SPATA32: variants seen among roughly 807,000 people sequenced by gnomAD.
SPATA32 encodes spermatogenesis-associated protein 32.
A neutral mutation model predicts 35.4 loss-of-function variants in SPATA32; 28 were observed. The observed-to-expected ratio is 0.79, with a 90% confidence interval of 0.59 to 1.09. The LOEUF (loss-of-function observed/expected upper bound fraction) is 1.09, where lower values mean the gene tolerates loss of function less well. Among genes scored for constraint, SPATA32 ranks in the 50% least tolerant of loss-of-function variants. The pLI, the probability that SPATA32 is intolerant of heterozygous loss-of-function variation, is 0.00. For missense variants in SPATA32, 409 were observed against 475.9 expected, an observed-to-expected ratio of 0.86 and a Z score of 1.31; for synonymous variants, 168 against 196.3, an observed-to-expected ratio of 0.86 and a Z score of 1.20.
At chr17:45,254,643 C>T (rs2043938687) in intron 4 of SPATA32, 130 bp from the exon 5 acceptor site, 1 of 723,508 alleles carries the variant, frequency 1.4e-6, no homozygotes, top group Admixed American at 2.4e-5. Flanking sequence ...GTCTGGGCAG[C>T]TGAGATTACA....
rs2043959534 is a variant in SPATA32, at chr17:45,256,501, C to T, written c.69-86G>A. On this transcript the variant is annotated intron_variant, in intron 2 of 4. Coordinates refer to ENST00000331780, the MANE Select transcript of SPATA32 (RefSeq NM_152343.3). The surrounding 1 kb of genome is among the most constrained non-coding windows in gnomAD (Gnocchi z 4.7). Reference sequence around the variant, plus strand: ...TTTCTGGGGCCCTCAAAGCCCTCTGCCTTGTAACAGAAGCTGGCACGATGC... The same window carrying T: ...TTTCTGGGGCCCTCAAAGCCCTCTGTCTTGTAACAGAAGCTGGCACGATGC... 3 of 1,220,378 alleles carry T rather than the reference C, an allele frequency of 2.5e-6. No homozygotes were observed. Among genetic ancestry groups the T allele is most frequent in the South Asian group, 2.4e-5 (2 of 83,132 alleles). 75.6% of individuals were successfully genotyped at this position (1,220,378 alleles called of 1,614,324 possible).
In SPATA32 at chr17:45,256,454, TGGGGCTTCAGCGGGAAGG is replaced by T. The variant is rs748404738; in HGVS notation, c.69-57_69-40del. 55 of 1,589,818 alleles carry T rather than the reference TGGGGCTTCAGCGGGAAGG, an allele frequency of 3.5e-5. 2 individuals carry two copies. The South Asian group carries it at 6.1e-4, about 18-fold the overall frequency. ...AGACAGAGTGGGTGATGGGGATCTG[TGGGGCTTCAGCGGGAAGG>T]GGGTTTCTGGGGCCCTCAAAGCCCT... On this transcript the variant is annotated intron_variant, in intron 2 of 4. Transcript: ENST00000331780. The surrounding 1 kb of genome is among the most constrained non-coding windows in gnomAD (Gnocchi z 4.7).
At chr17:45,260,229 C>G (rs1029184294) in intron 1 of SPATA32, 8 of 152,182 alleles carry the variant, frequency 5.3e-5, no homozygotes, top group African/African-American at 1.7e-4. Flanking sequence ...AGCCACCATG[C>G]CTGGCCTAAT....
Position 45,254,484 on chromosome 17 carries a change from T to C in SPATA32, c.1097A>G (p.Asn366Ser), listed in dbSNP as rs772377899. The change falls in exon 5 of 5, where the codon AAT (asparagine) becomes AGT (serine). Residue 366 changes from asparagine to serine, a missense_variant. Transcript: ENST00000331780. ...AAAATGGATTTTCACCAATAATGGA[T>C]TCTCTTTCTCTTTTCCTGGCGGCAC... ...DSVPPGKEKE[N>S]PLLVKIHFKL... The C allele has an allele frequency of 3.1e-6, 5 of 1,613,958 alleles. No homozygotes were observed. The highest frequency in any genetic ancestry group is 3.4e-6 in the Non-Finnish European group (4 of 1,179,816).
In SPATA32 at chr17:45,254,510, T is replaced by G. The variant is rs1290124722; in HGVS notation, c.1071A>C (p.Ser357=). 1.9e-6 allele frequency: 3 copies of G among 1,613,948 alleles called. No homozygotes were observed. The African/African-American group carries it at 4.0e-5, about 22-fold the overall frequency. Residue 357 remains serine, a synonymous_variant, in exon 5 of 5, where the codon TCA becomes TCC. Transcript: ENST00000331780. ...TCTCTTTCTCTTTTCCTGGCGGCAC[T>G]GAGCTGCAACACAAAAGAGAGAGTG... ...SPLLQGSKED[S]VPPGKEKENP...
chr17:45,261,983 C>G lies in SPATA32; in HGVS notation c.13+21G>C, dbSNP rs145527383. ...CCCCGCCTGCCCCAACCCTCGCCCC[C>G]GGGCGCTCGGCCGCTCCCACCTGTC... On this transcript the variant is annotated intron_variant, in intron 1 of 4. Transcript: ENST00000331780. 1,105 of 1,312,566 alleles carry G rather than the reference C, an allele frequency of 8.4e-4. 8 individuals are homozygous for G. In the African/African-American group the frequency reaches 0.015, roughly 18 times the overall value. 81.3% of individuals were successfully genotyped at this position (1,312,566 alleles called of 1,614,324 possible). A position where few individuals can be genotyped will look rare whatever the true frequency, so the allele number is the denominator to read the frequency against.
At position 45,256,746 on chromosome 17, in the gene SPATA32, C is replaced by T. The variant is rs752961464; in HGVS notation, c.69-331G>A. Among the ~76,000 whole-genome samples, 4 of 152,258 alleles carry T rather than the reference C, an allele frequency of 2.6e-5. No individual in the cohort carries two copies. The highest frequency in any genetic ancestry group is 2.9e-5 in the Non-Finnish European group (2 of 68,000). Reference sequence around the variant, plus strand: ...GCAGGTGAGCTGGGGCAACTCACTTCGAGGATTAGTGCCCAGAACACTAGT... The same window carrying T: ...GCAGGTGAGCTGGGGCAACTCACTTTGAGGATTAGTGCCCAGAACACTAGT... On this transcript the variant is annotated intron_variant, in intron 2 of 4. Coordinates refer to ENST00000331780, the MANE Select transcript of SPATA32 (RefSeq NM_152343.3). The surrounding 1 kb of genome is among the most constrained non-coding windows in gnomAD (Gnocchi z 4.7).
chr17:45,259,386 T>G (rs1342849672), intron 1 of SPATA32, among the ~76,000 whole-genome samples: 1 of 152,192 alleles, frequency 6.6e-6, no homozygotes, highest in Non-Finnish European at 1.5e-5. Flanking sequence ...TTTTCTGCAT[T>G]TATTGAGATG....
chr17:45,255,732 A>G lies in SPATA32; in HGVS notation c.450T>C (p.Ser150=), dbSNP rs768251849. Residue 150 remains serine, a synonymous_variant, in exon 4 of 5, where the codon AGT becomes AGC. Transcript: ENST00000331780. The surrounding 1 kb of genome is among the most constrained non-coding windows in gnomAD (Gnocchi z 5.4). ...AGAAGAGGTGCTTGGAGGTCTGCGC[A>G]CTGATGGAGTGATGGCAGGCAGACA... is the stretch of plus-strand genomic sequence containing the variant. The part of the protein sequence containing the change: ...NHVSACHHSI[S]AQTSKHLFWA... 4 of 1,613,874 alleles carry G rather than the reference A, an allele frequency of 2.5e-6. No homozygotes were observed. In the African/African-American group the frequency reaches 4.0e-5, roughly 16 times the overall value.
At chr17:45,261,846 G>T in intron 1 of SPATA32, 158 bp downstream of exon 1, 1 of 792,468 alleles carries the variant, frequency 1.3e-6, no homozygotes, top group Non-Finnish European at 1.7e-6. Flanking sequence ...GGTGGGCTTT[G>T]GCGGCGGGTC....
At chr17:45,257,004 G>C in intron 2 of SPATA32, 149 bp downstream of exon 2, 1 of 854,226 alleles carries the variant, frequency 1.2e-6, no homozygotes, top group Non-Finnish European at 1.8e-6. Flanking sequence ...GCCCTCCCCA[G>C]CCTTTTGGCC....
In SPATA32 at chr17:45,256,489, C is replaced by T. The variant is rs1847011763; in HGVS notation, c.69-74G>A. The T allele has an allele frequency of 1.5e-6, 2 of 1,346,810 alleles. No individual in the cohort carries two copies. The highest frequency in any genetic ancestry group is 1.4e-5 in the African/African-American group (1 of 70,576). The allele number at this position is 1,346,810 out of a possible 1,614,324, so 83.4% of individuals were successfully genotyped here. A position where few individuals can be genotyped will look rare whatever the true frequency, so the allele number is the denominator to read the frequency against. On this transcript the variant is annotated intron_variant, in intron 2 of 4. Transcript: ENST00000331780. The surrounding 1 kb of genome is among the most constrained non-coding windows in gnomAD (Gnocchi z 4.7). ...GCGGGAAGGGGGTTTCTGGGGCCCT[C>T]AAAGCCCTCTGCCTTGTAACAGAAG...
At chr17:45,257,696 C>T (rs777160488) in intron 1 of SPATA32, among the ~76,000 whole-genome samples, 3 of 152,158 alleles carry the variant, frequency 2.0e-5, no homozygotes, top group Non-Finnish European at 2.9e-5. Flanking sequence ...CAATAACGCC[C>T]CATGTGAACC....
intron 2 of SPATA32, 83 bp downstream of exon 2, chr17:45,257,070 C>T: frequency 6.8e-7 from 1 of 1,464,424 alleles, no homozygotes; most frequent in Non-Finnish European, 9.4e-7. Context: ...AGATCCTAGG[C>T]TGGGGGATCC....
rs2043963735 is a variant in SPATA32 at position 45,256,967 on chromosome 17, A to AGC, written c.68+185_68+186insGC. ...CTCATGCCAGGGGCTGAGGGCATAA[A>AGC]CAGAAGTGGGAGGATAGGCGCCCCA... On this transcript the variant is annotated intron_variant, in intron 2 of 4. Coordinates refer to ENST00000331780, the MANE Select transcript of SPATA32 (RefSeq NM_152343.3). This position sits in a 1 kb window ranked among gnomAD's most constrained non-coding sequence, Gnocchi z 4.7. Among the ~76,000 whole-genome samples, 1 of 152,110 alleles carries AGC rather than the reference A, an allele frequency of 6.6e-6. No homozygotes were observed. Among genetic ancestry groups the AGC allele is most frequent in the African/African-American group, 2.4e-5 (1 of 41,418 alleles).
chr17:45,257,585 A>T (rs61299739), intron 1 of SPATA32, among the ~76,000 whole-genome samples: 6,245 of 152,220 alleles, frequency 0.041, 436 homozygotes, highest in African/African-American at 0.14. Flanking sequence ...CCCCAGCTGA[A>T]CATAGCTGAA....
At position 45,255,144 on chromosome 17, in the gene SPATA32, C is replaced by T. The variant is rs138053932; in HGVS notation, c.1038G>A (p.Thr346=). The change falls in exon 4 of 5, where the codon ACG becomes ACA. Residue 346 remains threonine (T), a synonymous_variant. Coordinates refer to ENST00000331780, the MANE Select transcript of SPATA32 (RefSeq NM_152343.3). The surrounding 1 kb of genome is among the most constrained non-coding windows in gnomAD (Gnocchi z 5.4). The part of the protein sequence containing the change: ...GQIQLLQPPA[T]SPLLQGSKED... ...CCTTGCTTCCCTGCAGCAGAGGGGA[C>T]GTGGCTGGTGGCTGGAGAAGCTGGA... The T allele has an allele frequency of 3.2e-5, 52 of 1,614,046 alleles. No individual in the cohort carries two copies. Among genetic ancestry groups the T allele is most frequent in the Middle Eastern group, 1.6e-4 (1 of 6,084 alleles).
Position 45,256,378 on chromosome 17 carries a change from C to A in SPATA32, c.106G>T (p.Glu36Ter). The A allele has an allele frequency of 6.2e-7, 1 of 1,612,618 alleles. No homozygotes were observed. The highest frequency in any genetic ancestry group is 1.1e-5 in the South Asian group (1 of 91,034). ...LSQHQIQEEQ[E>*]LEADMLEQKP... ...TAAGAGGACACTCCCATTTTTACCT[C>A]CTGTTCCTCTTGTATCTGGTGTTGA... The change falls in exon 3 of 5, where the codon GAG becomes TAG. Residue 36 changes from glutamate to a stop codon, truncating the protein, a stop_gained and splice_region_variant. Transcript: ENST00000331780. LOFTEE classifies it high-confidence loss of function. The surrounding 1 kb of genome is among the most constrained non-coding windows in gnomAD (Gnocchi z 4.7).
intron 4 of SPATA32, 144 bp from the exon 5 acceptor site, chr17:45,254,657 T>C (rs987649017): frequency 4.5e-6 from 3 of 670,098 alleles, no homozygotes; most frequent in Non-Finnish European, 2.6e-6. Context: ...GATTACATTC[T>C]GTGTCCATTC....
Sources: allele counts gnomAD v4.1 joint callset (sites outside exome capture counted in the v4.1 genomes callset), GRCh38; gene constraint gnomAD v4.1.1; non-coding constraint Gnocchi (gnomAD v3.1); transcripts MANE v1.5; gene names NCBI Gene and HGNC (gene_info 2026-07-23, HGNC 2026-07-21).